WNK3: variants seen among roughly 807,000 people sequenced by gnomAD.
WNK3 encodes WNK lysine deficient protein kinase 3.
In WNK3, 18 loss-of-function variants were observed where a neutral mutation model predicts 116.7. That is an observed-to-expected ratio of 0.15 (90% CI 0.11 to 0.23). The LOEUF is 0.23. WNK3 is among the 10% of genes least tolerant of loss of function. WNK3 has a pLI of 1.00. For missense variants in WNK3, 993 were observed against 1,323.8 expected, an observed-to-expected ratio of 0.75 and a Z score of 3.88; for synonymous variants, 404 against 469.4, an observed-to-expected ratio of 0.86 and a Z score of 1.80.
At chrX:54,217,385 T>C (rs2067710533) in intron 22 of WNK3, among the ~76,000 whole-genome samples, 1 of 19,011 alleles carries the variant, frequency 5.3e-5, no homozygotes, top group Non-Finnish European at 9.2e-5. Context: ...TCCCAGCACT[T>C]TGGGGCGGGT....
chrX:54,238,762 T>C, intron 18 of WNK3, 106 bp downstream of exon 18: 1 of 610,716 alleles, frequency 1.6e-6, no homozygotes. Flanking sequence ...GTCACATACA[T>C]GGGCTATGTG....
intron 23 of WNK3, among the ~76,000 whole-genome samples, chrX:54,200,208 T>C (rs1292930011): frequency 8.9e-6 from 1 of 112,233 alleles, no homozygotes; most frequent in East Asian, 2.8e-4. Flanking sequence ...TTTATATTCG[T>C]ATATGCAATT....
intron 22 of WNK3, among the ~76,000 whole-genome samples, chrX:54,215,262 C>T (rs1049880263): frequency 1.8e-5 from 2 of 111,359 alleles, no homozygotes; most frequent in South Asian, 3.8e-4. Context: ...ACTGTACTGC[C>T]GCCATCTTGG....
At chrX:54,259,331 G>A (rs1329526588) in exon 11 of WNK3, 2 of 1,185,639 alleles carry the variant, frequency 1.7e-6, no homozygotes, top group East Asian at 6.0e-5. Flanking sequence ...AACTGGTTGG[G>A]ATACAGGCTG....
At chrX:54,197,952 TA>T (rs782069866) in exon 24 of WNK3, 18,956 of 85,451 alleles carry the variant, frequency 0.22, 2,937 homozygotes, top group African/African-American at 0.54. Flanking sequence ...TAGCAGCAGT[TA>T]AAAAAAAAAA....
At chrX:54,231,850 A>T (rs2067901871) in intron 21 of WNK3, among the ~76,000 whole-genome samples, 1 of 110,849 alleles carries the variant, frequency 9.0e-6, no homozygotes, top group Admixed American at 9.8e-5. Flanking sequence ...CTTACAATAC[A>T]TCCTTAACCC....
intron 1 of WNK3, among the ~76,000 whole-genome samples, chrX:54,341,792 T>C (rs925231425): frequency 1.3e-4 from 15 of 111,257 alleles, no homozygotes; most frequent in African/African-American, 4.6e-4. Context: ...GGCTGGGGCA[T>C]AGGAACAGGA....
At chrX:54,255,836 G>A (rs1308526250) in exon 12 of WNK3, 1 of 1,206,592 alleles carries the variant, frequency 8.3e-7, no homozygotes, top group African/African-American at 1.8e-5. Context: ...TTCCACTTGG[G>A]TTATCAGGGC....
chrX:54,301,167 C>T (rs1022727607), intron 6 of WNK3, among the ~76,000 whole-genome samples: 8 of 103,073 alleles, frequency 7.8e-5, no homozygotes, highest in Non-Finnish European at 1.2e-4. Context: ...CGCTGGAACC[C>T]GGGAGGCAGA....
chrX:54,215,480 C>T (rs1002199465), intron 22 of WNK3, among the ~76,000 whole-genome samples: 3 of 112,929 alleles, frequency 2.7e-5, no homozygotes, highest in East Asian at 5.6e-4. Flanking sequence ...CGGAGTCTCG[C>T]TCACTCAGTG....
intron 17 of WNK3, among the ~76,000 whole-genome samples, chrX:54,246,671 C>T (rs1344801553): frequency 8.9e-6 from 1 of 111,986 alleles, no homozygotes; most frequent in Non-Finnish European, 1.9e-5. Flanking sequence ...AGCAACTAGA[C>T]CTGTGCTAAC....
chrX:54,355,233 A>C (rs1032266556), intron 1 of WNK3, among the ~76,000 whole-genome samples: 7 of 111,760 alleles, frequency 6.3e-5, no homozygotes, highest in African/African-American at 2.3e-4. Context: ...CACTACAGAA[A>C]TCTAACTCCT....
intron 21 of WNK3, among the ~76,000 whole-genome samples, chrX:54,231,649 C>G (rs1455572717): frequency 8.9e-6 from 1 of 111,912 alleles, no homozygotes; most frequent in Non-Finnish European, 1.9e-5. Flanking sequence ...TACACTGGAC[C>G]TACCTGGATA....
intron 10 of WNK3, among the ~76,000 whole-genome samples, chrX:54,266,290 G>C (rs2068310181): frequency 9.0e-6 from 1 of 110,602 alleles, no homozygotes; most frequent in Non-Finnish European, 1.9e-5. Context: ...GGTTACCAGA[G>C]GCTGGGAAGG....
At chrX:54,243,345 C>T (rs1191384086) in intron 17 of WNK3, among the ~76,000 whole-genome samples, 2 of 98,627 alleles carry the variant, frequency 2.0e-5, no homozygotes, top group Non-Finnish European at 4.0e-5. Flanking sequence ...GGCGTGAACC[C>T]GGGAGGCGGA....
intron 2 of WNK3, among the ~76,000 whole-genome samples, chrX:54,315,302 C>CAAA (rs1162816570): frequency 5.5e-5 from 2 of 36,213 alleles, no homozygotes; most frequent in East Asian, 9.7e-4. Context: ...GACCTTGTCT[C>CAAA]AAAAAAAAAA....
At chrX:54,323,658 GC>G (rs1238892624) in intron 2 of WNK3, among the ~76,000 whole-genome samples, 1 of 111,205 alleles carries the variant, frequency 9.0e-6, no homozygotes, top group Non-Finnish European at 1.9e-5. Context: ...TATCCCTGTT[GC>G]CCCCTACTGT....
chrX:54,347,662 A>G (rs1474858124), intron 1 of WNK3, among the ~76,000 whole-genome samples: 1 of 101,888 alleles, frequency 9.8e-6, no homozygotes, highest in Non-Finnish European at 1.9e-5. Context: ...AAAAAATAAA[A>G]GACATATATA....
chrX:54,299,706 C>G (rs1447332864), intron 6 of WNK3, among the ~76,000 whole-genome samples: 1 of 110,605 alleles, frequency 9.0e-6, no homozygotes, highest in Non-Finnish European at 1.9e-5. Context: ...GTGCCCGTCC[C>G]TAAGACTAAA....
Sources: gnomAD v4.1 joint callset for allele counts (sites outside exome capture counted in the v4.1 genomes callset) on GRCh38, gnomAD v4.1.1 for gene constraint, MANE v1.5 for transcripts, NCBI Gene and HGNC (gene_info 2026-07-23, HGNC 2026-07-21) for gene names.